ZFYVE9: variants seen among roughly 807,000 people sequenced by gnomAD.
ZFYVE9 encodes zinc finger FYVE domain-containing protein 9.
A neutral mutation model predicts 126.7 loss-of-function variants in ZFYVE9; 43 were observed. That is an observed-to-expected ratio of 0.34 (90% CI 0.27 to 0.44). The LOEUF (loss-of-function observed/expected upper bound fraction) is 0.44, where lower values mean the gene tolerates loss of function less well. Ranked by LOEUF, ZFYVE9 falls within the 20% of genes least tolerant of loss-of-function variation. The pLI, the probability that ZFYVE9 is intolerant of heterozygous loss-of-function variation, is 1.00. For missense variants in ZFYVE9, 1,476 were observed against 1,697.0 expected (o/e 0.87, Z 2.29); for synonymous variants, 521 against 597.4 (o/e 0.87, Z 1.87).
intron 1 of ZFYVE9, among the ~76,000 whole-genome samples, chr1:52,214,126 A>G (rs536170225): frequency 6.6e-5 from 10 of 152,216 alleles, no homozygotes; most frequent in Non-Finnish European, 1.3e-4. Flanking sequence ...GATTAAGGAA[A>G]ATGTAAAGTT....
intron 13 of ZFYVE9, among the ~76,000 whole-genome samples, chr1:52,325,235 G>A (rs1646279481): frequency 6.6e-6 from 1 of 152,136 alleles, no homozygotes; most frequent in Admixed American, 6.5e-5. Context: ...GGCTGAGGCA[G>A]GAGAATGGTG....
Position 52,346,583 on chromosome 1 carries a change from A to G in ZFYVE9, c.*362A>G, listed in dbSNP as rs1204546594. ...CAGAAATGCTCAAATGGGTACAACCATCACCAAGGGTGGGATGGGAGGGCA... is the reference window on the plus strand; with the variant it reads ...CAGAAATGCTCAAATGGGTACAACCGTCACCAAGGGTGGGATGGGAGGGCA... On this transcript the variant is annotated 3_prime_UTR_variant, in exon 19 of 19. Coordinates refer to ENST00000287727, the MANE Select transcript of ZFYVE9 (RefSeq NM_004799.4). The G allele has an allele frequency of 2.5e-6, 1 of 402,156 alleles. No homozygotes were observed. Among genetic ancestry groups the G allele is most frequent in the African/African-American group, 2.1e-5 (1 of 48,774 alleles). The allele number at this position is 402,156 out of a possible 1,614,324, so 24.9% of individuals were successfully genotyped here.
intron 17 of ZFYVE9, among the ~76,000 whole-genome samples, chr1:52,341,323 C>G (rs1223847999): frequency 2.0e-5 from 3 of 152,192 alleles, no homozygotes; most frequent in African/African-American, 7.2e-5. Context: ...CCAGATCTGG[C>G]CAACTCCTAA....
intron 2 of ZFYVE9, among the ~76,000 whole-genome samples, chr1:52,218,856 C>T (rs1248655774): frequency 6.6e-6 from 1 of 151,982 alleles, no homozygotes; most frequent in Non-Finnish European, 1.5e-5. Context: ...TTCAAAGATG[C>T]CTGTAGGGTC....
chr1:52,227,819 C>G (rs935605283), intron 2 of ZFYVE9, among the ~76,000 whole-genome samples: 9 of 152,164 alleles, frequency 5.9e-5, no homozygotes, highest in African/African-American at 2.2e-4. Flanking sequence ...GGGACTTTTT[C>G]TGTAGCTCCT....
Position 52,332,911 on chromosome 1 carries a change from C to A in ZFYVE9, c.3582C>A (p.Pro1194=). The A allele has an allele frequency of 2.5e-6, 4 of 1,613,936 alleles. No individual in the cohort carries two copies. The highest frequency in any genetic ancestry group is 3.4e-6 in the Non-Finnish European group (4 of 1,179,964). The change falls in exon 14 of 19, where the codon CCC becomes CCA. Residue 1194 remains proline, a synonymous_variant. Coordinates refer to ENST00000287727, the MANE Select transcript of ZFYVE9 (RefSeq NM_004799.4). ...AGGCTATCAGTATTCACAATCAGCC[C>A]AGAAAAGGTGAGCATTTGAGCTGGT... ...QTQAISIHNQ[P]RKVTGASFFV...
At chr1:52,270,165 TTA>T (rs1645675261) in intron 7 of ZFYVE9, among the ~76,000 whole-genome samples, 2 of 152,210 alleles carry the variant, frequency 1.3e-5, no homozygotes, top group Admixed American at 1.3e-4. Flanking sequence ...AGTCATTTTC[TTA>T]TACAACCACA....
intron 4 of ZFYVE9, among the ~76,000 whole-genome samples, chr1:52,242,959 C>T (rs866896674): frequency 6.6e-6 from 1 of 152,162 alleles, no homozygotes; most frequent in East Asian, 1.9e-4. Context: ...GTGGTCTCAT[C>T]CATGTCATAG....
intron 1 of ZFYVE9, among the ~76,000 whole-genome samples, chr1:52,176,500 A>G (rs934670682): frequency 1.3e-5 from 2 of 152,192 alleles, no homozygotes; most frequent in Non-Finnish European, 2.9e-5. Context: ...GTGTGCTGGG[A>G]GAACCACTGC....
chr1:52,165,118 C>T (rs1644500812), intron 1 of ZFYVE9, among the ~76,000 whole-genome samples: 1 of 151,800 alleles, frequency 6.6e-6, no homozygotes, highest in Non-Finnish European at 1.5e-5. Context: ...AAAAAAAATC[C>T]AGAAAATAAG....
intron 13 of ZFYVE9, among the ~76,000 whole-genome samples, chr1:52,307,065 A>G (rs1330313282): frequency 6.6e-6 from 1 of 152,218 alleles, no homozygotes; most frequent in African/African-American, 2.4e-5. Flanking sequence ...CTTTCCAGCC[A>G]GAAAAGCAAC....
At chr1:52,315,596 G>A (rs1047364331) in intron 13 of ZFYVE9, among the ~76,000 whole-genome samples, 3 of 152,028 alleles carry the variant, frequency 2.0e-5, no homozygotes, top group Non-Finnish European at 4.4e-5. Flanking sequence ...TTAAAGATAC[G>A]TAATATAAAC....
At chr1:52,332,598 T>C (rs1412999940) in intron 13 of ZFYVE9, among the ~76,000 whole-genome samples, 170 bp from the exon 14 acceptor site, 1 of 152,242 alleles carries the variant, frequency 6.6e-6, no homozygotes, top group Non-Finnish European at 1.5e-5. Flanking sequence ...TTGTGTACAT[T>C]GATTTGTTAA....
intron 1 of ZFYVE9, among the ~76,000 whole-genome samples, chr1:52,205,689 CA>C (rs1406505898): frequency 6.6e-6 from 1 of 152,106 alleles, no homozygotes; most frequent in East Asian, 1.9e-4. Flanking sequence ...TTCTTTTATG[CA>C]TCTAAGAAGA....
chr1:52,155,407 T>G (rs916722326), intron 1 of ZFYVE9, among the ~76,000 whole-genome samples: 1 of 152,028 alleles, frequency 6.6e-6, no homozygotes, highest in Non-Finnish European at 1.5e-5. Flanking sequence ...GCTAATTTTT[T>G]GTATTTTTAG....
intron 2 of ZFYVE9, among the ~76,000 whole-genome samples, chr1:52,226,188 A>G (rs976317158): frequency 6.6e-6 from 1 of 152,086 alleles, no homozygotes; most frequent in Non-Finnish European, 1.5e-5. Context: ...CTTACTGTAC[A>G]TGTGGCTGGC....
At chr1:52,341,760 G>A (rs1646439396) in intron 17 of ZFYVE9, among the ~76,000 whole-genome samples, 1 of 152,178 alleles carries the variant, frequency 6.6e-6, no homozygotes. Context: ...ATGAGACCTG[G>A]TTCTCCAGTT....
intron 3 of ZFYVE9, among the ~76,000 whole-genome samples, chr1:52,236,287 T>C (rs932711458): frequency 2.0e-5 from 3 of 152,160 alleles, no homozygotes; most frequent in Admixed American, 6.5e-5. Flanking sequence ...TGAGGACTTA[T>C]ATTGATAGAA....
intron 1 of ZFYVE9, among the ~76,000 whole-genome samples, chr1:52,181,528 C>T (rs1362375897): frequency 1.3e-5 from 2 of 152,174 alleles, no homozygotes; most frequent in East Asian, 3.9e-4. Context: ...GGAGAAGCGT[C>T]TCTGCCTGGC....
Sources: gnomAD v4.1 joint callset for allele counts (sites outside exome capture counted in the v4.1 genomes callset) on GRCh38, gnomAD v4.1.1 for gene constraint, MANE v1.5 for transcripts, NCBI Gene and HGNC (gene_info 2026-07-23, HGNC 2026-07-21) for gene names.